FUBP3: variants seen among roughly 807,000 people sequenced by gnomAD.
FUBP3 encodes the protein far upstream element binding protein 3, also known as far upstream element-binding protein 3.
In FUBP3, 28 loss-of-function variants were observed where a neutral mutation model predicts 85.6. The observed-to-expected ratio is 0.33, with a 90% CI of 0.24 to 0.45. The LOEUF (loss-of-function observed/expected upper bound fraction) is 0.45, where lower values mean the gene tolerates loss of function less well. Ranked by LOEUF, FUBP3 falls within the 20% of genes least tolerant of loss-of-function variation. The probability of loss-of-function intolerance (pLI) is 1.00; values close to 1 mark genes in which losing one functional copy is unlikely to be tolerated. For synonymous variants in FUBP3, 271 were observed against 271.4 expected, an observed-to-expected ratio of 1.00 and a Z score of 0.01; for missense variants, 583 against 755.1, an observed-to-expected ratio of 0.77 and a Z score of 2.67.
At chr9:130,604,915 A>AG (rs1564201999) in intron 2 of FUBP3, among the ~76,000 whole-genome samples, 1 of 131,822 alleles carries the variant, frequency 7.6e-6, no homozygotes, top group East Asian at 2.0e-4. Context: ...AAAAAAAAAA[A>AG]GAAAGAAATA....
chr9:130,613,066 A>G (rs1205972613), intron 5 of FUBP3, 39 bp downstream of exon 5: 1 of 1,339,206 alleles, frequency 7.5e-7, no homozygotes, highest in Non-Finnish European at 1.1e-6. Context: ...TTTTGTAGAA[A>G]TCAGTATTTT....
chr9:130,626,732 G>A (rs1484301430), intron 12 of FUBP3, among the ~76,000 whole-genome samples: 2 of 152,220 alleles, frequency 1.3e-5, no homozygotes, highest in African/African-American at 2.4e-5. Context: ...TGGTGAGTAT[G>A]AAGAGACAGC....
chr9:130,638,178 G>T lies in FUBP3; in HGVS notation c.*1156G>T, dbSNP rs529572508. On this transcript the variant is annotated 3_prime_UTR_variant, in exon 19 of 19. Coordinates refer to ENST00000319725, the MANE Select transcript of FUBP3 (RefSeq NM_003934.2). ...AAATGTACTGAAGTTACAGTTTCTG[G>T]TTTTTTCTCCTTATTTTTCTTATAA... is the stretch of plus-strand genomic sequence containing the variant. 14 of 152,568 alleles carry T rather than the reference G, an allele frequency of 9.2e-5. No homozygotes were observed. Among genetic ancestry groups the T allele is most frequent in the African/African-American group, 2.4e-4 (10 of 41,508 alleles). The allele number at this position is 152,568 out of a possible 1,614,324, so 9.5% of individuals were successfully genotyped here. A position where few individuals can be genotyped will look rare whatever the true frequency, so the allele number is the denominator to read the frequency against.
chr9:130,634,862 A>G, intron 17 of FUBP3, 124 bp downstream of exon 17: 1 of 753,584 alleles, frequency 1.3e-6, no homozygotes, highest in Non-Finnish European at 2.2e-6. Context: ...TGATCTCATT[A>G]TTTGCCTTCG....
intron 2 of FUBP3, among the ~76,000 whole-genome samples, chr9:130,596,438 A>G (rs977052622): frequency 1.3e-5 from 2 of 152,226 alleles, no homozygotes; most frequent in South Asian, 2.1e-4. Flanking sequence ...CTTTTCTCCC[A>G]AAAGTGCATA....
At chr9:130,606,200 C>T (rs1036919462) in intron 2 of FUBP3, among the ~76,000 whole-genome samples, 1 of 152,134 alleles carries the variant, frequency 6.6e-6, no homozygotes, top group Non-Finnish European at 1.5e-5. Flanking sequence ...TTTCTAAAAA[C>T]GCCCTGAATC....
intron 2 of FUBP3, among the ~76,000 whole-genome samples, chr9:130,599,189 G>T (rs1564197532): frequency 6.6e-6 from 1 of 152,096 alleles, no homozygotes; most frequent in Admixed American, 6.5e-5. Context: ...CTGCTTGGGA[G>T]GCTGAGGCAG....
At chr9:130,593,614 GA>G (rs1830729598) in intron 1 of FUBP3, among the ~76,000 whole-genome samples, 1 of 152,228 alleles carries the variant, frequency 6.6e-6, no homozygotes, top group South Asian at 2.1e-4. Context: ...TCAGTATCAT[GA>G]TTGTCTTTGG....
At position 130,623,731 on chromosome 9, in the gene FUBP3, G is replaced by T; in HGVS notation, c.975+20G>T. The T allele has an allele frequency of 6.5e-7, 1 of 1,536,718 alleles. No individual in the cohort carries two copies. On this transcript the variant is annotated intron_variant, in intron 11 of 18. Coordinates refer to ENST00000319725, the MANE Select transcript of FUBP3 (RefSeq NM_003934.2). ...GCCCAGGTGGGTCCAGCTCTGCAGA[G>T]TGTGAGTGTTTGGGCTGCAGAAGTG...
chr9:130,627,406 T>G (rs1266343851), intron 12 of FUBP3, among the ~76,000 whole-genome samples: 1 of 152,228 alleles, frequency 6.6e-6, no homozygotes. Flanking sequence ...CAAATACCCC[T>G]TAGCTGCTTG....
At chr9:130,614,378 C>G (rs1831897310) in intron 6 of FUBP3, 33 bp downstream of exon 6, 1 of 1,316,152 alleles carries the variant, frequency 7.6e-7, no homozygotes, top group Non-Finnish European at 1.1e-6. Context: ...TTCTTTCACT[C>G]TTCTTCCTCC....
At chr9:130,615,020 T>TG (rs1831929886) in intron 6 of FUBP3, among the ~76,000 whole-genome samples, 1 of 152,146 alleles carries the variant, frequency 6.6e-6, no homozygotes, top group Non-Finnish European at 1.5e-5. Context: ...GCACTGCATT[T>TG]GGGGACAGGG....
rs151229696 is a variant in FUBP3, at chr9:130,630,624, G to A, written c.1118-4G>A. 774 of 1,590,282 alleles carry A rather than the reference G, an allele frequency of 4.9e-4. 4 individuals carry two copies. The East Asian group carries it at 6.7e-3, about 14-fold the overall frequency. On this transcript the variant is annotated splice_polypyrimidine_tract_variant and splice_region_variant and intron_variant, in intron 12 of 18. Transcript: ENST00000319725. Reference sequence around the variant, plus strand: ...CTCTTCTGCCTGTGTTGTGCTGTCCGCAGGGGGTGAGAACATCAAAAGCAT... The same window carrying A: ...CTCTTCTGCCTGTGTTGTGCTGTCCACAGGGGGTGAGAACATCAAAAGCAT...
At chr9:130,587,067 TG>T (rs10718801) in intron 1 of FUBP3, among the ~76,000 whole-genome samples, 39,177 of 123,536 alleles carry the variant, frequency 0.32, 6,505 homozygotes, top group East Asian at 0.49. Flanking sequence ...TTTTTTTTTT[TG>T]TTTGTTTGTT....
intron 3 of FUBP3, among the ~76,000 whole-genome samples, chr9:130,611,572 A>C (rs912248773): frequency 1.3e-5 from 2 of 152,128 alleles, no homozygotes; most frequent in African/African-American, 4.8e-5. Flanking sequence ...ACTTTCCCTA[A>C]AAATATGCAC....
At chr9:130,586,494 C>T (rs567298676) in intron 1 of FUBP3, among the ~76,000 whole-genome samples, 36 of 151,788 alleles carry the variant, frequency 2.4e-4, no homozygotes, top group Admixed American at 5.9e-4. Context: ...CTCTGCTTCT[C>T]GGGCTCAAGC....
intron 7 of FUBP3, among the ~76,000 whole-genome samples, chr9:130,617,111 C>A (rs1832047002): frequency 6.6e-6 from 1 of 152,172 alleles, no homozygotes; most frequent in Non-Finnish European, 1.5e-5. Flanking sequence ...ACACTCCCAG[C>A]AAGTTCTGGG....
intron 13 of FUBP3, 23 bp downstream of exon 13, chr9:130,630,811 A>C: frequency 1.4e-6 from 2 of 1,440,444 alleles, no homozygotes; most frequent in Non-Finnish European, 1.8e-6. Context: ...TCCTTCCCCC[A>C]CCTGGTTTAC....
Position 130,584,528 on chromosome 9 carries a change from C to G in FUBP3, c.84+4764C>G, listed in dbSNP as rs535860019. Among the ~76,000 whole-genome samples the G allele has an allele frequency of 4.6e-5, 7 of 150,988 alleles. No homozygotes were observed. In the South Asian group the frequency reaches 1.5e-3, roughly 32 times the overall value. On this transcript the variant is annotated intron_variant, in intron 1 of 18. Coordinates refer to ENST00000319725, the MANE Select transcript of FUBP3 (RefSeq NM_003934.2). The stretch of plus-strand genomic sequence containing the variant: ...GAGTGAAAAGAGCAAAACTTTGTCT[C>G]AAAAAACAAAAGAAACTAGAGTGAT...
Sources: gnomAD v4.1 joint callset for allele counts (sites outside exome capture counted in the v4.1 genomes callset) on GRCh38, gnomAD v4.1.1 for gene constraint, MANE v1.5 for transcripts, NCBI Gene and HGNC (gene_info 2026-07-23, HGNC 2026-07-21) for gene names.